Variants in IFNLR1 observed in about 807,000 individuals in gnomAD.
IFNLR1 encodes the protein interferon lambda receptor 1, also known as CRF2-12.
Under a neutral mutation model 52.5 loss-of-function variants are expected in IFNLR1, and 28 were observed. That is an observed-to-expected ratio of 0.53 (90% CI 0.40 to 0.73). The LOEUF is 0.73. IFNLR1 is among the 30% of genes least tolerant of loss of function. The pLI is 0.00. For synonymous variants in IFNLR1, 276 were observed against 274.9 expected, an observed-to-expected ratio of 1.00 and a Z score of -0.04; for missense variants, 623 against 659.1, an observed-to-expected ratio of 0.95 and a Z score of 0.60.
rs1409308066 is a variant in IFNLR1, at chr1:24,155,091, A to G, written c.*2039T>C. On this transcript the variant is annotated 3_prime_UTR_variant, in exon 7 of 7. Transcript: ENST00000327535. ...GGAATTTCCCTGGGAGCTGGCCCCA[A>G]GCCACAGCCCTCCCCAGCTCCGTAG... 1 of 152,202 alleles carries G rather than the reference A, an allele frequency of 6.6e-6. No individual in the cohort carries two copies. The highest frequency in any genetic ancestry group is 1.5e-5 in the Non-Finnish European group (1 of 68,066). The allele number at this position is 152,202 out of a possible 1,614,324, so 9.4% of individuals were successfully genotyped here.
At chr1:24,162,793 TTTCTTTC>T in intron 3 of IFNLR1, among the ~76,000 whole-genome samples, 1 of 89,200 alleles carries the variant, frequency 1.1e-5, no homozygotes, top group South Asian at 3.9e-4. Flanking sequence ...TTTCTTTTTC[TTTCTTTC>T]TTTTTTCTTT....
At chr1:24,160,055 C>G (rs1161291155) in intron 4 of IFNLR1, among the ~76,000 whole-genome samples, 1 of 152,206 alleles carries the variant, frequency 6.6e-6, no homozygotes, top group Non-Finnish European at 1.5e-5. Flanking sequence ...GGAAGCACTT[C>G]CCAAGACTAC....
chr1:24,178,241 T>C (rs1283920216), intron 2 of IFNLR1, among the ~76,000 whole-genome samples: 1 of 151,652 alleles, frequency 6.6e-6, no homozygotes, highest in Non-Finnish European at 1.5e-5. Context: ...GCCGAGATCA[T>C]GCCACTGCAC....
At position 24,159,603 on chromosome 1, in the gene IFNLR1, G is replaced by T; in HGVS notation, c.541C>A (p.Pro181Thr). The stretch of plus-strand genomic sequence containing the variant: ...GCTGGCTGGAGAGTGATCTGGACTG[G>T]CTGGCCATGGGGAGTGACTGGAAAT... ...TLFPVTPHGQ[P>T]VQITLQPAAS... is the part of the protein sequence containing the mutation. The change falls in exon 5 of 7, where the codon CCA (proline) becomes ACA (threonine). Residue 181 changes from proline (P) to threonine (T), a missense_variant. Coordinates refer to ENST00000327535, the MANE Select transcript of IFNLR1 (RefSeq NM_170743.4). 6.2e-7 allele frequency: 1 copy of T among 1,614,160 alleles called. No homozygotes were observed. Among genetic ancestry groups the T allele is most frequent in the Non-Finnish European group, 8.5e-7 (1 of 1,180,010 alleles).
rs1644506511 is a variant in IFNLR1 at position 24,165,236 on chromosome 1, TCG to T, written c.368-3554_368-3553del. Among the ~76,000 whole-genome samples the T allele has an allele frequency of 2.0e-5, 3 of 152,300 alleles. No homozygotes were observed. In the South Asian group the frequency reaches 6.2e-4, roughly 32 times the overall value. ...TTCCACATTTTATTTGGAAACCTTC[TCG>T]GATAAGCATTCAAATTCATCATTTA... On this transcript the variant is annotated intron_variant, in intron 3 of 6. Transcript: ENST00000327535.
Position 24,157,351 on chromosome 1 carries a change from A to G in IFNLR1, c.1342T>C (p.Trp448Arg), listed in dbSNP as rs762902173. 1 of 1,614,150 alleles carries G rather than the reference A, an allele frequency of 6.2e-7. No individual in the cohort carries two copies. Among genetic ancestry groups the G allele is most frequent in the Non-Finnish European group, 8.5e-7 (1 of 1,179,996 alleles). Residue 448 changes from tryptophan to arginine, a missense_variant, in exon 7 of 7, where the codon TGG becomes CGG. Transcript: ENST00000327535. This position sits in a 1 kb window ranked among gnomAD's most constrained non-coding sequence, Gnocchi z 5.1. ...GGTGGTAAGGTGCCCCAGGTGGCCC[A>G]GGAGGAGAGGTTATCTTCTGGGAGC... is the stretch of plus-strand genomic sequence containing the variant. ...EELPEDNLSSWATWGTLPPEP... is the reference protein window; with the variant it reads ...EELPEDNLSSRATWGTLPPEP...
chr1:24,168,308 C>T (rs2148594187), intron 3 of IFNLR1, among the ~76,000 whole-genome samples: 2 of 152,206 alleles, frequency 1.3e-5, no homozygotes, highest in African/African-American at 4.8e-5. Context: ...TCAGTCTGTC[C>T]CTCTTCTCTC....
At chr1:24,162,725 TTTC>T (rs1644460160) in intron 3 of IFNLR1, among the ~76,000 whole-genome samples, 5 of 1,730 alleles carry the variant, frequency 2.9e-3, no homozygotes, top group Non-Finnish European at 5.1e-3. Context: ...CTTTCTTTCT[TTTC>T]TTTCTTTCTT....
chr1:24,162,127 T>C (rs934929587), intron 3 of IFNLR1, among the ~76,000 whole-genome samples: 6 of 152,224 alleles, frequency 3.9e-5, no homozygotes, highest in African/African-American at 1.2e-4. Context: ...GCTCAGCTGG[T>C]TCCTCCGCTC....
At chr1:24,181,579 C>T (rs1283560109) in intron 1 of IFNLR1, among the ~76,000 whole-genome samples, 1 of 152,180 alleles carries the variant, frequency 6.6e-6, no homozygotes, top group Non-Finnish European at 1.5e-5. Flanking sequence ...CTTCATGTAG[C>T]CCAGGATGGA....
At chr1:24,175,714 C>T (rs1243937346) in intron 2 of IFNLR1, among the ~76,000 whole-genome samples, 1 of 152,104 alleles carries the variant, frequency 6.6e-6, no homozygotes, top group Admixed American at 6.6e-5. Flanking sequence ...AGGCGGATCA[C>T]CTGAGGTCAG....
intron 4 of IFNLR1, 105 bp from the exon 5 acceptor site, chr1:24,159,738 T>TTTTTTTTTTTTTTG: frequency 1.7e-4 from 101 of 581,166 alleles, no homozygotes; most frequent in East Asian, 4.4e-4. Flanking sequence ...TTTTTTTTTG[T>TTTTTTTTTTTTTTG]TTTTTTTTTT....
intron 2 of IFNLR1, among the ~76,000 whole-genome samples, chr1:24,173,513 T>C (rs1644602076): frequency 6.6e-6 from 1 of 152,210 alleles, no homozygotes; most frequent in African/African-American, 2.4e-5. Context: ...TACAGTCACT[T>C]TGGAAACAGC....
intron 3 of IFNLR1, among the ~76,000 whole-genome samples, chr1:24,165,614 C>G (rs752487939): frequency 6.6e-6 from 1 of 152,208 alleles, no homozygotes. Context: ...AAATACACCA[C>G]CTTTCAAGTT....
intron 4 of IFNLR1, chr1:24,161,294 C>G (rs1453713951): frequency 8.5e-6 from 5 of 591,548 alleles, no homozygotes; most frequent in Non-Finnish European, 1.2e-5. Flanking sequence ...TACTTTTGGT[C>G]TGCTTCTTAG....
At chr1:24,168,470 C>G (rs1644541753) in intron 3 of IFNLR1, among the ~76,000 whole-genome samples, 2 of 152,144 alleles carry the variant, frequency 1.3e-5, no homozygotes, top group Non-Finnish European at 1.5e-5. Context: ...TCTATGTCCA[C>G]CGGTTACTAG....
At position 24,185,839 on chromosome 1, in the gene IFNLR1, A is replaced by G. The variant is rs1644732042; in HGVS notation, c.58+1352T>C. Reference sequence around the variant, plus strand: ...GCCAGGCACTAGTTTGGCTCTTTACATGTAAAACCTCAATCACCCTTGGGA... The same window carrying G: ...GCCAGGCACTAGTTTGGCTCTTTACGTGTAAAACCTCAATCACCCTTGGGA... On this transcript the variant is annotated intron_variant, in intron 1 of 6. Coordinates refer to ENST00000327535, the MANE Select transcript of IFNLR1 (RefSeq NM_170743.4). 2.6e-5 allele frequency among the ~76,000 whole-genome samples: 4 copies of G among 152,288 alleles called. No homozygotes were observed. The South Asian group carries it at 8.3e-4, about 32-fold the overall frequency.
Position 24,159,077 on chromosome 1 carries a change from T to C in IFNLR1, c.776A>G (p.Gln259Arg). ...WKTLMGNPWF[Q>R]RAKMPRALDF... ...CAGGGCCCGTGGCATCTTTGCCCGC[T>C]GAAACCAGGGGTTCCCCATGAGGGT... The change falls in exon 6 of 7, where the codon CAG becomes CGG. Residue 259 changes from glutamine to arginine, a missense_variant. Coordinates refer to ENST00000327535, the MANE Select transcript of IFNLR1 (RefSeq NM_170743.4). 8 of 1,614,130 alleles carry C rather than the reference T, an allele frequency of 5.0e-6. No homozygotes were observed. Among genetic ancestry groups the C allele is most frequent in the Non-Finnish European group, 6.8e-6 (8 of 1,180,016 alleles).
chr1:24,160,394 T>C (rs539376913), intron 4 of IFNLR1, among the ~76,000 whole-genome samples: 2 of 152,364 alleles, frequency 1.3e-5, no homozygotes, highest in Admixed American at 6.5e-5. Flanking sequence ...TCAATCACTA[T>C]CAGAATTGCT....
Sources: allele counts gnomAD v4.1 joint callset (sites outside exome capture counted in the v4.1 genomes callset), GRCh38; gene constraint gnomAD v4.1.1; non-coding constraint Gnocchi (gnomAD v3.1); transcripts MANE v1.5; gene names NCBI Gene and HGNC (gene_info 2026-07-23, HGNC 2026-07-21).